RTN1: variants seen among roughly 807,000 people sequenced by gnomAD.
The protein encoded by RTN1 is reticulon-1.
Under a neutral mutation model 65.5 loss-of-function variants are expected in RTN1, and 25 were observed. The ratio of observed to expected loss-of-function variants is 0.38; its 90% CI spans 0.28 to 0.53. The LOEUF (loss-of-function observed/expected upper bound fraction) is 0.53, where lower values mean the gene tolerates loss of function less well. Ranked by LOEUF, RTN1 falls within the 20% of genes least tolerant of loss-of-function variation. The probability of loss-of-function intolerance (pLI) is 0.79; values close to 1 mark genes in which losing one functional copy is unlikely to be tolerated. For missense variants in RTN1, 983 were observed against 1,025.4 expected (o/e 0.96, Z 0.57); for synonymous variants, 471 against 447.6 (o/e 1.05, Z -0.66).
chr14:59,838,891 C>G (rs1367672498), intron 1 of RTN1, among the ~76,000 whole-genome samples: 1 of 152,076 alleles, frequency 6.6e-6, no homozygotes, highest in East Asian at 1.9e-4. Context: ...ACAAAATGTC[C>G]TATGAATTTG....
chr14:59,630,744 G>A (rs1333881439), intron 3 of RTN1: 17 of 1,094,670 alleles, frequency 1.6e-5, no homozygotes, highest in Non-Finnish European at 1.7e-5. Context: ...GGGGATGCGG[G>A]CGCCGCTCCA....
intron 1 of RTN1, among the ~76,000 whole-genome samples, chr14:59,837,220 G>A (rs1001099400): frequency 6.6e-6 from 1 of 151,848 alleles, no homozygotes; most frequent in Non-Finnish European, 1.5e-5. Flanking sequence ...TCAAATTACA[G>A]GATAATAAAT....
intron 3 of RTN1, among the ~76,000 whole-genome samples, chr14:59,701,755 G>C (rs1474239241): frequency 6.6e-6 from 1 of 152,182 alleles, no homozygotes; most frequent in African/African-American, 2.4e-5. Context: ...TTTGAAGCTA[G>C]ATAGTAGTGA....
chr14:59,810,480 C>T (rs1234324594), intron 1 of RTN1, among the ~76,000 whole-genome samples: 2 of 152,136 alleles, frequency 1.3e-5, no homozygotes, highest in African/African-American at 4.8e-5. Flanking sequence ...CTACCAGCAT[C>T]CATGAAACTA....
At chr14:59,740,938 G>A (rs1004983826) in intron 2 of RTN1, among the ~76,000 whole-genome samples, 1 of 152,060 alleles carries the variant, frequency 6.6e-6, no homozygotes, top group African/African-American at 2.4e-5. Flanking sequence ...GATAAGAAAG[G>A]CACCCCAGGG....
At chr14:59,653,212 G>A (rs565508279) in intron 3 of RTN1, among the ~76,000 whole-genome samples, 11 of 152,210 alleles carry the variant, frequency 7.2e-5, no homozygotes, top group African/African-American at 2.2e-4. Flanking sequence ...TACTAATACC[G>A]ACTGATTTCT....
chr14:59,704,586 G>C (rs1283338330), intron 3 of RTN1, among the ~76,000 whole-genome samples: 1 of 152,218 alleles, frequency 6.6e-6, no homozygotes, highest in Non-Finnish European at 1.5e-5. Flanking sequence ...CCCTACATCA[G>C]AATAAAGTGA....
At chr14:59,784,570 G>A (rs1296973657) in intron 1 of RTN1, among the ~76,000 whole-genome samples, 1 of 152,184 alleles carries the variant, frequency 6.6e-6, no homozygotes, top group Non-Finnish European at 1.5e-5. Flanking sequence ...TTGGGTTTGG[G>A]TACTGTAGGG....
intron 1 of RTN1, among the ~76,000 whole-genome samples, chr14:59,817,318 C>T (rs1312778360): frequency 1.3e-5 from 2 of 152,044 alleles, no homozygotes; most frequent in African/African-American, 4.8e-5. Flanking sequence ...AGGATCTGAC[C>T]AAGACGATGC....
chr14:59,678,612 T>C (rs915701308), intron 3 of RTN1, among the ~76,000 whole-genome samples: 17 of 152,212 alleles, frequency 1.1e-4, no homozygotes, highest in African/African-American at 3.9e-4. Context: ...CAGCACATGT[T>C]GGGACCTCAA....
chr14:59,824,009 T>C (rs553802012), intron 1 of RTN1, among the ~76,000 whole-genome samples: 1 of 152,346 alleles, frequency 6.6e-6, no homozygotes, highest in East Asian at 1.9e-4. Flanking sequence ...TTCTTTCTTG[T>C]ATGTCATTTT....
chr14:59,771,777 AG>A (rs1315489201), intron 1 of RTN1, among the ~76,000 whole-genome samples: 1 of 152,276 alleles, frequency 6.6e-6, no homozygotes, highest in Non-Finnish European at 1.5e-5. Flanking sequence ...ATCAGTAAAT[AG>A]AAGGCTTTTA....
intron 1 of RTN1, among the ~76,000 whole-genome samples, chr14:59,749,309 T>G (rs1033075683): frequency 1.2e-4 from 2 of 16,490 alleles, no homozygotes; most frequent in African/African-American, 3.4e-4. Context: ...TATATATATC[T>G]ATATATATAT....
At chr14:59,750,139 AAT>A (rs71111663) in intron 1 of RTN1, among the ~76,000 whole-genome samples, 40 of 74,822 alleles carry the variant, frequency 5.3e-4, no homozygotes, top group East Asian at 4.2e-3. Flanking sequence ...TATAATATAT[AAT>A]ATATATATTA....
At chr14:59,622,972 T>C (rs952234218) in intron 3 of RTN1, among the ~76,000 whole-genome samples, 10 of 152,154 alleles carry the variant, frequency 6.6e-5, no homozygotes, top group Admixed American at 4.6e-4. Flanking sequence ...AATAATTCTG[T>C]GGATGTTTTG....
At position 59,727,179 on chromosome 14, in the gene RTN1, G is replaced by C. The variant is rs771138399; in HGVS notation, c.1505C>G (p.Thr502Ser). Residue 502 changes from threonine (T) to serine (S), a missense_variant, in exon 3 of 9, where the codon ACT becomes AGT. Coordinates refer to ENST00000267484, the MANE Select transcript of RTN1 (RefSeq NM_021136.3). The surrounding 1 kb of genome is among the most constrained non-coding windows in gnomAD (Gnocchi z 4.2). ...PSALDAIREE[T>S]GVRAEERAPS... is the part of the protein sequence containing the mutation. ...CGCACGCTCCTCGGCCCGGACGCCA[G>C]TCTCCTCCCGGATGGCATCCAGGGC... 6.9e-6 allele frequency: 11 copies of C among 1,588,786 alleles called. No homozygotes were observed. In the East Asian group the frequency reaches 2.3e-4, roughly 33 times the overall value.
intron 3 of RTN1, among the ~76,000 whole-genome samples, chr14:59,661,654 AT>A (rs1382297084): frequency 6.6e-6 from 1 of 152,194 alleles, no homozygotes; most frequent in Non-Finnish European, 1.5e-5. Context: ...CAAAAACCAC[AT>A]GATTATTTCA....
intron 4 of RTN1, among the ~76,000 whole-genome samples, chr14:59,606,296 G>C (rs962726145): frequency 6.6e-6 from 1 of 151,674 alleles, no homozygotes; most frequent in Non-Finnish European, 1.5e-5. Flanking sequence ...GAGATAAAAA[G>C]AGTAAAGCAG....
intron 3 of RTN1, among the ~76,000 whole-genome samples, chr14:59,622,601 T>C (rs1882286698): frequency 6.6e-6 from 1 of 152,156 alleles, no homozygotes; most frequent in South Asian, 2.1e-4. Context: ...CTGATTTTCA[T>C]GAAGGAAACA....
Sources: allele counts gnomAD v4.1 joint callset (sites outside exome capture counted in the v4.1 genomes callset), GRCh38; gene constraint gnomAD v4.1.1; non-coding constraint Gnocchi (gnomAD v3.1); transcripts MANE v1.5; gene names NCBI Gene and HGNC (gene_info 2026-07-23, HGNC 2026-07-21).